The following TNRC6B variants were observed in gnomAD, a reference collection of about 807,000 sequenced individuals.
The protein encoded by TNRC6B is trinucleotide repeat-containing gene 6B protein.
TNRC6B carries 52 observed loss-of-function variants against 203.6 expected under a neutral mutation model. The ratio of observed to expected loss-of-function variants is 0.26; its 90% CI spans 0.20 to 0.32. The LOEUF is 0.32. TNRC6B is among the 10% of genes least tolerant of loss of function. The pLI, the probability that TNRC6B is intolerant of heterozygous loss-of-function variation, is 1.00. For missense variants in TNRC6B, 1,923 were observed against 2,286.2 expected (o/e 0.84, Z 3.24); for synonymous variants, 838 against 845.7 (o/e 0.99, Z 0.16).
rs561096470 is a variant in TNRC6B, at chr22:40,107,087, G to A, written c.-120-9968G>A. 12 of 705,606 alleles carry A rather than the reference G, an allele frequency of 1.7e-5. No homozygotes were observed. The African/African-American group carries it at 1.9e-4, about 11-fold the overall frequency. The allele number at this position is 705,606 out of a possible 1,614,324, so 43.7% of individuals were successfully genotyped here. ...CCGTGGTTCCAGCCGGAAAAAGAGG[G>A]AGGGTATCTTTTGATGAACAAATAC... On this transcript the variant is annotated intron_variant, in intron 1 of 23. Coordinates refer to the TNRC6B transcript ENST00000301923.
intron 17 of TNRC6B, among the ~76,000 whole-genome samples, chr22:40,312,128 G>T (rs1317938610): frequency 6.6e-6 from 1 of 152,220 alleles, no homozygotes; most frequent in African/African-American, 2.4e-5. Context: ...AAAGAGCACT[G>T]ATCTCTAGCC....
chr22:40,230,175 T>A (rs2069847635), intron 1 of TNRC6B, among the ~76,000 whole-genome samples: 1 of 152,178 alleles, frequency 6.6e-6, no homozygotes, highest in Admixed American at 6.5e-5. Context: ...TGGCTTTAAT[T>A]TGTTTTTTTC....
rs1233509055 is a variant in TNRC6B, at chr22:40,170,588, A to AT, written c.113+14407dup. On this transcript the variant is annotated intron_variant, in intron 4 of 23. Coordinates refer to the TNRC6B transcript ENST00000301923. ...TATATTATATATATAGTTTATATAT[A>AT]TATTATATATAGTTTATATATATCC... 7.6e-3 allele frequency among the ~76,000 whole-genome samples: 285 copies of AT among 37,484 alleles called. 21 individuals are homozygous for AT. Among genetic ancestry groups the AT allele is most frequent in the African/African-American group, 0.013 (36 of 2,836 alleles). The allele number at this position is 37,484 out of a possible 152,430, so 24.6% of individuals were successfully genotyped here.
chr22:40,182,100 C>A (rs1461545972), intron 1 of TNRC6B, among the ~76,000 whole-genome samples: 1 of 151,956 alleles, frequency 6.6e-6, no homozygotes, highest in African/African-American at 2.4e-5. Context: ...AAAAAACTAG[C>A]CAAGGGTGGT....
At chr22:40,091,544 A>G (rs984778856) in intron 1 of TNRC6B, among the ~76,000 whole-genome samples, 1 of 152,168 alleles carries the variant, frequency 6.6e-6, no homozygotes, top group East Asian at 1.9e-4. Context: ...CTGGCTGATT[A>G]CTTGATGGTA....
intron 3 of TNRC6B, among the ~76,000 whole-genome samples, chr22:40,145,590 T>C (rs2068687176): frequency 6.6e-6 from 1 of 152,198 alleles, no homozygotes; most frequent in Non-Finnish European, 1.5e-5. Flanking sequence ...ACGCCTGTAA[T>C]CCCAGCACTT....
intron 3 of TNRC6B, among the ~76,000 whole-genome samples, chr22:40,140,372 A>G (rs1021554666): frequency 2.0e-5 from 3 of 152,222 alleles, no homozygotes; most frequent in Admixed American, 1.3e-4. Flanking sequence ...AGCTTCCACA[A>G]AGTCTTCCTA....
At chr22:40,126,365 C>G (rs1414652934) in intron 3 of TNRC6B, among the ~76,000 whole-genome samples, 1 of 151,870 alleles carries the variant, frequency 6.6e-6, no homozygotes, top group Non-Finnish European at 1.5e-5. Flanking sequence ...AGCATAGTAC[C>G]CAAGAGCTTG....
intron 7 of TNRC6B, among the ~76,000 whole-genome samples, chr22:40,276,236 A>T (rs1419806649): frequency 1.3e-5 from 2 of 151,040 alleles, no homozygotes; most frequent in Non-Finnish European, 2.9e-5. Context: ...AGTCCCAGCT[A>T]CTCGGGAGGC....
intron 1 of TNRC6B, among the ~76,000 whole-genome samples, chr22:40,180,421 A>G (rs1045809606): frequency 1.3e-5 from 2 of 152,248 alleles, no homozygotes; most frequent in Non-Finnish European, 2.9e-5. Context: ...TGTCTTAGGC[A>G]GAACAGAGAA....
rs547138399 is a variant in TNRC6B at position 40,299,657 on chromosome 22, T to G, written c.3709-798T>G. The stretch of plus-strand genomic sequence containing the variant: ...CCCCAAACTGCTGGGATTACAGGTG[T>G]GAGCCACTGTGCCCAGCCTCTAGGA... On this transcript the variant is annotated intron_variant, in intron 12 of 22. Coordinates refer to ENST00000454349, the MANE Select transcript of TNRC6B (RefSeq NM_001162501.2). Among the ~76,000 whole-genome samples the G allele has an allele frequency of 2.6e-3, 389 of 152,316 alleles. 2 individuals carry two copies. The highest frequency in any genetic ancestry group is 8.9e-3 in the African/African-American group (370 of 41,570).
chr22:40,157,828 T>C (rs1166040612), intron 4 of TNRC6B, among the ~76,000 whole-genome samples: 1 of 152,210 alleles, frequency 6.6e-6, no homozygotes, highest in Non-Finnish European at 1.5e-5. Flanking sequence ...TAAATATGTT[T>C]TACTCTGTCA....
At chr22:40,283,195 C>T (rs6001861) in intron 11 of TNRC6B, among the ~76,000 whole-genome samples, 47,488 of 151,984 alleles carry the variant, frequency 0.31, 9,141 homozygotes, top group East Asian at 0.55. Flanking sequence ...CCCGCAACCA[C>T]GCCCGGCTAA....
intron 1 of TNRC6B, among the ~76,000 whole-genome samples, chr22:40,046,514 A>G (rs1196607026): frequency 2.6e-5 from 4 of 152,122 alleles, no homozygotes; most frequent in Admixed American, 2.0e-4. Flanking sequence ...ATTTGAGCAG[A>G]GTGGTTTCTG....
intron 4 of TNRC6B, among the ~76,000 whole-genome samples, chr22:40,169,872 A>G (rs925301430): frequency 4.6e-5 from 7 of 152,118 alleles, no homozygotes; most frequent in African/African-American, 1.4e-4. Flanking sequence ...AAATATGTGG[A>G]TTTATCTATT....
At chr22:40,310,035 C>T (rs117624289) in intron 16 of TNRC6B, among the ~76,000 whole-genome samples, 1,877 of 152,280 alleles carry the variant, frequency 0.012, 20 homozygotes, top group Non-Finnish European at 0.019. Context: ...CTCACTGATA[C>T]CTAAAATTTT....
intron 1 of TNRC6B, among the ~76,000 whole-genome samples, chr22:40,186,159 G>GA (rs1401865398): frequency 1.3e-5 from 2 of 152,162 alleles, no homozygotes; most frequent in African/African-American, 4.8e-5. Flanking sequence ...AGACCTTGGG[G>GA]ACGGGAAGAG....
At chr22:40,307,521 C>T (rs1363959432) in intron 15 of TNRC6B, among the ~76,000 whole-genome samples, 1 of 152,094 alleles carries the variant, frequency 6.6e-6, no homozygotes, top group African/African-American at 2.4e-5. Context: ...GAACAGGTGT[C>T]ACACACATTC....
In TNRC6B at chr22:40,237,748, T is replaced by C. The variant is rs527608714; in HGVS notation, c.6-8267T>C. The stretch of plus-strand genomic sequence containing the variant: ...GGCTTTCTTTATGGAGGAGTCTGGA[T>C]GTCCCTGTCTCACAGATGCCCGCTA... On this transcript the variant is annotated intron_variant, in intron 1 of 22. Transcript: ENST00000454349. 3.9e-5 allele frequency among the ~76,000 whole-genome samples: 6 copies of C among 152,282 alleles called. No individual in the cohort carries two copies. The South Asian group carries it at 1.2e-3, about 32-fold the overall frequency.
Sources: gnomAD v4.1 joint callset for allele counts (sites outside exome capture counted in the v4.1 genomes callset) on GRCh38, gnomAD v4.1.1 for gene constraint, MANE v1.5 for transcripts, NCBI Gene and HGNC (gene_info 2026-07-23, HGNC 2026-07-21) for gene names.